The following FBXL7 variants were observed in gnomAD, a reference collection of about 807,000 sequenced individuals.
FBXL7 encodes the protein F-box and leucine rich repeat protein 7.
In FBXL7, 12 loss-of-function variants were observed where a neutral mutation model predicts 38.3. That is an observed-to-expected ratio of 0.31 (90% CI 0.20 to 0.51). The LOEUF (loss-of-function observed/expected upper bound fraction) is 0.51. FBXL7 is among the 20% of genes least tolerant of loss of function. The pLI, the probability that FBXL7 is intolerant of heterozygous loss-of-function variation, is 0.98. For synonymous variants in FBXL7, 297 were observed against 300.9 expected (o/e 0.99, Z 0.13); for missense variants, 567 against 676.4 (o/e 0.84, Z 1.79).
chr5:15,684,206 C>T (rs145475466), intron 2 of FBXL7, among the ~76,000 whole-genome samples: 4 of 152,180 alleles, frequency 2.6e-5, no homozygotes, highest in East Asian at 3.9e-4. Flanking sequence ...TATGAAGGTA[C>T]GTGAACGAAC....
At chr5:15,576,071 TC>T (rs1332440756) in intron 1 of FBXL7, among the ~76,000 whole-genome samples, 37 of 121,512 alleles carry the variant, frequency 3.0e-4, no homozygotes, top group Admixed American at 8.4e-4. Flanking sequence ...AGAATCTCAT[TC>T]TTTTTTTTTT....
At chr5:15,634,313 CTTTTTTTTTT>C (rs57823645) in intron 2 of FBXL7, among the ~76,000 whole-genome samples, 1 of 112,274 alleles carries the variant, frequency 8.9e-6, no homozygotes. Flanking sequence ...ATGTTCGTTT[CTTTTTTTTTT>C]TTTTTTTTTT....
At chr5:15,744,369 C>T (rs1331669430) in intron 2 of FBXL7, among the ~76,000 whole-genome samples, 1 of 152,212 alleles carries the variant, frequency 6.6e-6, no homozygotes, top group Non-Finnish European at 1.5e-5. Flanking sequence ...AGTCTCTTTG[C>T]ATAGCAAGAG....
Position 15,937,000 on chromosome 5 carries a change from C to T in FBXL7, c.1290C>T (p.Leu430=). 1 of 1,614,058 alleles carries T rather than the reference C, an allele frequency of 6.2e-7. No individual in the cohort carries two copies. The highest frequency in any genetic ancestry group is 8.5e-7 in the Non-Finnish European group (1 of 1,179,904). Residue 430 remains leucine, a synonymous_variant, in exon 4 of 4, where the codon CTC becomes CTT. Transcript: ENST00000504595. The surrounding 1 kb of genome is among the most constrained non-coding windows in gnomAD (Gnocchi z 6.0). ...GCCTGGCCCTGAACTGCTTCAACCT[C>T]AAGCGGCTCAGCCTCAAGTCCTGCG... ...LECLALNCFN[L]KRLSLKSCES... is the part of the protein sequence containing the mutation.
chr5:15,708,374 T>C (rs1318216314), intron 2 of FBXL7, among the ~76,000 whole-genome samples: 1 of 152,204 alleles, frequency 6.6e-6, no homozygotes, highest in Non-Finnish European at 1.5e-5. Flanking sequence ...CTATATGTCT[T>C]AGCAGATGTA....
At chr5:15,693,782 G>A (rs997002430) in intron 2 of FBXL7, among the ~76,000 whole-genome samples, 3 of 152,166 alleles carry the variant, frequency 2.0e-5, no homozygotes, top group African/African-American at 7.2e-5. Context: ...GAGGGTGGTT[G>A]GAGAAGAGCC....
chr5:15,786,845 T>C (rs1196622308), intron 2 of FBXL7, among the ~76,000 whole-genome samples: 1 of 152,200 alleles, frequency 6.6e-6, no homozygotes, highest in Non-Finnish European at 1.5e-5. Context: ...CCAGAATCCA[T>C]GACTGTGACC....
At chr5:15,529,390 C>CTTT (rs549646236) in intron 1 of FBXL7, among the ~76,000 whole-genome samples, 1 of 144,612 alleles carries the variant, frequency 6.9e-6, no homozygotes. Flanking sequence ...AACCTAACTT[C>CTTT]TTTTTTTTTT....
chr5:15,626,161 TTAATGTGTTTTG>T (rs1740811185), intron 2 of FBXL7, among the ~76,000 whole-genome samples: 1 of 152,240 alleles, frequency 6.6e-6, no homozygotes, highest in African/African-American at 2.4e-5. Context: ...CCTTTGAAGC[TTAATGTGTTTTG>T]GTGATTCAAT....
At chr5:15,843,241 A>G (rs1738798351) in intron 2 of FBXL7, among the ~76,000 whole-genome samples, 1 of 152,198 alleles carries the variant, frequency 6.6e-6, no homozygotes, top group African/African-American at 2.4e-5. Flanking sequence ...CTTCTAACAT[A>G]CACAGTATAA....
chr5:15,809,891 T>C (rs1737812458), intron 2 of FBXL7, among the ~76,000 whole-genome samples: 1 of 152,220 alleles, frequency 6.6e-6, no homozygotes. Flanking sequence ...CAGCCAAAGC[T>C]GCAAATCCTG....
intron 2 of FBXL7, among the ~76,000 whole-genome samples, chr5:15,777,483 A>T (rs575562788): frequency 2.6e-5 from 4 of 152,008 alleles, no homozygotes; most frequent in Admixed American, 1.3e-4. Flanking sequence ...ATTGACAATG[A>T]TGGAAATCAC....
chr5:15,726,046 C>G (rs967392977), intron 2 of FBXL7, among the ~76,000 whole-genome samples: 2 of 152,004 alleles, frequency 1.3e-5, no homozygotes, highest in African/African-American at 4.8e-5. Flanking sequence ...TTTTGATGGT[C>G]TGATATTAGA....
chr5:15,688,045 A>G (rs1446858954), intron 2 of FBXL7, among the ~76,000 whole-genome samples: 1 of 152,238 alleles, frequency 6.6e-6, no homozygotes, highest in Non-Finnish European at 1.5e-5. Context: ...TAGCGATTGC[A>G]TCTTCCTGGA....
intron 2 of FBXL7, among the ~76,000 whole-genome samples, chr5:15,731,179 A>C (rs1579415326): frequency 6.6e-6 from 1 of 152,136 alleles, no homozygotes; most frequent in African/African-American, 2.4e-5. Context: ...AAGGATCCTC[A>C]AGGGCTGTGT....
chr5:15,704,734 A>T (rs1743628912), intron 2 of FBXL7, among the ~76,000 whole-genome samples: 1 of 152,190 alleles, frequency 6.6e-6, no homozygotes, highest in African/African-American at 2.4e-5. Flanking sequence ...ACAATGCAGC[A>T]TACTAAACTA....
At chr5:15,536,438 G>A (rs185656540) in intron 1 of FBXL7, among the ~76,000 whole-genome samples, 9 of 152,346 alleles carry the variant, frequency 5.9e-5, no homozygotes, top group South Asian at 2.1e-4. Context: ...AGCGACAGAG[G>A]TGGAGATGCC....
At chr5:15,636,364 G>A (rs1402549131) in intron 2 of FBXL7, among the ~76,000 whole-genome samples, 2 of 152,118 alleles carry the variant, frequency 1.3e-5, no homozygotes, top group African/African-American at 4.8e-5. Context: ...ATATATGGCT[G>A]CTAAAGACCT....
At chr5:15,560,745 A>G (rs1738388256) in intron 1 of FBXL7, among the ~76,000 whole-genome samples, 2 of 152,172 alleles carry the variant, frequency 1.3e-5, no homozygotes, top group South Asian at 2.1e-4. Flanking sequence ...GTCTCTTTCA[A>G]CTTCCCTCTG....
Sources: allele counts gnomAD v4.1 joint callset (sites outside exome capture counted in the v4.1 genomes callset), GRCh38; gene constraint gnomAD v4.1.1; non-coding constraint Gnocchi (gnomAD v3.1); transcripts MANE v1.5; gene names NCBI Gene and HGNC (gene_info 2026-07-23, HGNC 2026-07-21).